The following TREML4 variants were observed in gnomAD, a reference collection of about 807,000 sequenced individuals.
TREML4 encodes trem-like transcript 4 protein.
In TREML4, 25 loss-of-function variants were observed where a neutral mutation model predicts 25.4. The observed-to-expected ratio is 0.98, with a 90% CI of 0.72 to 1.37. TREML4 has a LOEUF of 1.37. Among genes scored for constraint, TREML4 ranks in the 40% most tolerant of loss-of-function variants. TREML4 has a pLI of 0.00. For synonymous variants in TREML4, 92 were observed against 87.9 expected (o/e 1.05, Z -0.26); for missense variants, 268 against 236.5 (o/e 1.13, Z -0.87).
At chr6:41,236,331 T>G (rs1323396161) in intron 4 of TREML4, among the ~76,000 whole-genome samples, 155 bp from the exon 5 acceptor site, 2 of 152,186 alleles carry the variant, frequency 1.3e-5, no homozygotes, top group Non-Finnish European at 2.9e-5. Context: ...CCCAGAGACC[T>G]CTGTGGCTCC....
At chr6:41,235,976 G>A (rs144031995) in intron 4 of TREML4, among the ~76,000 whole-genome samples, 12 of 152,098 alleles carry the variant, frequency 7.9e-5, no homozygotes, top group African/African-American at 2.7e-4. Context: ...AGCTAGGCAG[G>A]CCAGGAGTGG....
At chr6:41,233,100 T>C (rs1029743450) in intron 4 of TREML4, among the ~76,000 whole-genome samples, 1 of 152,202 alleles carries the variant, frequency 6.6e-6, no homozygotes, top group Non-Finnish European at 1.5e-5. Context: ...ACTAAATCAA[T>C]GTAGATAAGA....
intron 2 of TREML4, 84 bp downstream of exon 2, chr6:41,229,128 A>G (rs1194174216): frequency 4.1e-6 from 5 of 1,208,000 alleles, no homozygotes; most frequent in South Asian, 1.4e-5. Flanking sequence ...CCATGCCTCT[A>G]TCATCCCCCA....
At position 41,228,741 on chromosome 6, in the gene TREML4, C is replaced by T. The variant is rs776504858; in HGVS notation, c.91C>T (p.His31Tyr). The change falls in exon 2 of 6, where the codon CAC (histidine) becomes TAC (tyrosine). Residue 31 changes from histidine (H) to tyrosine (Y), a missense_variant. Coordinates refer to ENST00000341495, the MANE Select transcript of TREML4 (RefSeq NM_198153.3). Reference sequence around the variant, plus strand: ...TGCTGTGCCTGAAGAACTTCACAAACACCCAGGACAGACCCTCCTCCTGCA... The same window carrying T: ...TGCTGTGCCTGAAGAACTTCACAAATACCCAGGACAGACCCTCCTCCTGCA... ...QGAVPEELHK[H>Y]PGQTLLLQCQ... 46 of 1,613,822 alleles carry T rather than the reference C, an allele frequency of 2.9e-5. No individual in the cohort carries two copies. Among genetic ancestry groups the T allele is most frequent in the Non-Finnish European group, 3.8e-5 (45 of 1,179,926 alleles).
chr6:41,231,779 G>A (rs931301900), intron 4 of TREML4, among the ~76,000 whole-genome samples: 4 of 152,192 alleles, frequency 2.6e-5, no homozygotes, highest in Admixed American at 2.0e-4. Flanking sequence ...TAGGAGACAC[G>A]AAGGAGAAGA....
intron 4 of TREML4, 37 bp from the exon 5 acceptor site, chr6:41,236,449 G>A (rs1212517431): frequency 6.3e-7 from 1 of 1,592,238 alleles, no homozygotes; most frequent in Non-Finnish European, 8.6e-7. Context: ...TGACATCCTG[G>A]CCCAAGTCCA....
Position 41,228,723 on chromosome 6 carries a change from C to T in TREML4, c.73C>T (p.Pro25Ser). ...CGGTTCCTGGGTAAAGGGTGCTGTG[C>T]CTGAAGAACTTCACAAACACCCAGG... ...CCCSWPQGAV[P>S]EELHKHPGQT... The change falls in exon 2 of 6, where the codon CCT becomes TCT. Residue 25 changes from proline to serine, a missense_variant. By Grantham distance (74) the Pro-to-Ser change is moderately conservative. Coordinates refer to ENST00000341495, the MANE Select transcript of TREML4 (RefSeq NM_198153.3). 6.2e-7 allele frequency: 1 copy of T among 1,612,744 alleles called. No homozygotes were observed. The highest frequency in any genetic ancestry group is 8.5e-7 in the Non-Finnish European group (1 of 1,179,210).
At chr6:41,234,083 G>C (rs1766853831) in intron 4 of TREML4, among the ~76,000 whole-genome samples, 1 of 151,832 alleles carries the variant, frequency 6.6e-6, no homozygotes, top group Non-Finnish European at 1.5e-5. Flanking sequence ...AGGACACCTT[G>C]TATAAGGACA....
At chr6:41,236,707 C>T in intron 5 of TREML4, 90 bp downstream of exon 5, 1 of 694,096 alleles carries the variant, frequency 1.4e-6, no homozygotes, top group African/African-American at 1.8e-5. Context: ...AGCCAGGTCA[C>T]AGAGGCAGGA....
chr6:41,235,525 T>C (rs1766877948), intron 4 of TREML4, among the ~76,000 whole-genome samples: 1 of 152,202 alleles, frequency 6.6e-6, no homozygotes, highest in African/African-American at 2.4e-5. Context: ...TAGATTTCTA[T>C]GAGGAATAAT....
intron 4 of TREML4, among the ~76,000 whole-genome samples, chr6:41,232,890 A>C (rs1766829823): frequency 6.6e-6 from 1 of 151,866 alleles, no homozygotes; most frequent in Non-Finnish European, 1.5e-5. Flanking sequence ...CTCACCAGCC[A>C]CTCCCCTCCC....
At chr6:41,233,556 G>A (rs9357350) in intron 4 of TREML4, among the ~76,000 whole-genome samples, 1 of 151,792 alleles carries the variant, frequency 6.6e-6, no homozygotes, top group Non-Finnish European at 1.5e-5. Context: ...TATGAAAATA[G>A]ACCCATCATA....
intron 4 of TREML4, chr6:41,230,946 T>C (rs550912320): frequency 6.1e-6 from 1 of 162,988 alleles, no homozygotes; most frequent in East Asian, 1.7e-4. Context: ...TCCTGTCAAA[T>C]CAGTGGCAGC....
At chr6:41,236,027 C>T (rs967563962) in intron 4 of TREML4, among the ~76,000 whole-genome samples, 4 of 152,252 alleles carry the variant, frequency 2.6e-5, no homozygotes, top group South Asian at 2.1e-4. Flanking sequence ...CTGGGACCAA[C>T]AGACAGGAGG....
At chr6:41,232,073 A>G (rs1825412) in intron 4 of TREML4, among the ~76,000 whole-genome samples, 106,513 of 152,132 alleles carry the variant, frequency 0.7, 39,208 homozygotes, top group East Asian at 0.85. Flanking sequence ...TCTTAAGAAG[A>G]ACACTAGAGA....
Position 41,229,053 on chromosome 6 carries a change from T to G in TREML4, c.394+9T>G. The G allele has an allele frequency of 6.2e-7, 1 of 1,605,364 alleles. No homozygotes were observed. Among genetic ancestry groups the G allele is most frequent in the South Asian group, 1.1e-5 (1 of 90,102 alleles). ...CCTGGTGGTGTCTCCAGGTGAGCTC[T>G]TTTCTTGAGGAAATACCTCTGTGCC... On this transcript the variant is annotated intron_variant, in intron 2 of 5. Transcript: ENST00000341495.
At chr6:41,231,838 G>T (rs1766806081) in intron 4 of TREML4, among the ~76,000 whole-genome samples, 2 of 152,102 alleles carry the variant, frequency 1.3e-5, no homozygotes, top group South Asian at 4.1e-4. Flanking sequence ...GGAGATAAAG[G>T]ATGAAAGAAA....
At position 41,229,009 on chromosome 6, in the gene TREML4, C is replaced by T; in HGVS notation, c.359C>T (p.Thr120Ile). The change falls in exon 2 of 6, where the codon ACT (threonine) becomes ATT (isoleucine). Residue 120 changes from threonine (T) to isoleucine (I), a missense_variant. Physicochemically the swap from Thr to Ile is moderately conservative, Grantham distance 89. Coordinates refer to ENST00000341495, the MANE Select transcript of TREML4 (RefSeq NM_198153.3). Reference protein sequence around the residue: ...GIYNASENIITVLRNISLVVS... With the variant: ...GIYNASENIIIVLRNISLVVS... Reference sequence around the variant, plus strand: ...TACAACGCTTCCGAAAACATCATCACTGTTCTTAGAAATATCAGCCTGGTG... The same window carrying T: ...TACAACGCTTCCGAAAACATCATCATTGTTCTTAGAAATATCAGCCTGGTG... 6.2e-7 allele frequency: 1 copy of T among 1,614,084 alleles called. No individual in the cohort carries two copies. Among genetic ancestry groups the T allele is most frequent in the Non-Finnish European group, 8.5e-7 (1 of 1,179,968 alleles).
At chr6:41,232,084 AAAG>A (rs1427845081) in intron 4 of TREML4, among the ~76,000 whole-genome samples, 3 of 152,244 alleles carry the variant, frequency 2.0e-5, no homozygotes, top group Non-Finnish European at 4.4e-5. Context: ...ACACTAGAGA[AAAG>A]AAGACAATTC....
Sources: allele counts gnomAD v4.1 joint callset (sites outside exome capture counted in the v4.1 genomes callset), GRCh38; gene constraint gnomAD v4.1.1; transcripts MANE v1.5; gene names NCBI Gene and HGNC (gene_info 2026-07-23, HGNC 2026-07-21).